SEMA6D: variants seen among roughly 807,000 people sequenced by gnomAD.
SEMA6D encodes semaphorin 6D.
In SEMA6D, 35 loss-of-function variants were observed where a neutral mutation model predicts 106.6. The observed-to-expected ratio is 0.33, with a 90% CI of 0.25 to 0.44. SEMA6D has a LOEUF of 0.44. SEMA6D is among the 20% of genes least tolerant of loss of function. The pLI is 1.00. For synonymous variants in SEMA6D, 499 were observed against 487.7 expected (o/e 1.02, Z -0.31); for missense variants, 1,185 against 1,345.9 (o/e 0.88, Z 1.87).
chr15:47,374,590 G>A (rs2039386384), intron 1 of SEMA6D, among the ~76,000 whole-genome samples: 2 of 152,156 alleles, frequency 1.3e-5, no homozygotes, highest in Admixed American at 1.3e-4. Context: ...GTCAATAGAT[G>A]TTAAGGCTTG....
chr15:47,635,732 A>C (rs2077375738), intron 4 of SEMA6D, among the ~76,000 whole-genome samples: 1 of 152,110 alleles, frequency 6.6e-6, no homozygotes, highest in Admixed American at 6.6e-5. Flanking sequence ...GTTGACTGCC[A>C]GTATTAGGAA....
intron 1 of SEMA6D, among the ~76,000 whole-genome samples, chr15:47,399,103 A>C (rs189479553): frequency 9.5e-4 from 145 of 152,314 alleles, no homozygotes; most frequent in Admixed American, 2.4e-3. Flanking sequence ...TAAAAATATA[A>C]ACTTCTATAT....
intron 4 of SEMA6D, among the ~76,000 whole-genome samples, chr15:47,611,166 C>T (rs1347467677): frequency 6.6e-6 from 1 of 151,786 alleles, no homozygotes; most frequent in Admixed American, 6.6e-5. Flanking sequence ...CACACACACA[C>T]ACACACACAC....
chr15:47,290,748 T>C (rs2035562487), intron 1 of SEMA6D, among the ~76,000 whole-genome samples: 1 of 152,184 alleles, frequency 6.6e-6, no homozygotes, highest in African/African-American at 2.4e-5. Context: ...ATGACCGCAG[T>C]CTCGTGAATG....
chr15:47,194,955 G>A (rs1034964922), intron 1 of SEMA6D, among the ~76,000 whole-genome samples: 3 of 152,140 alleles, frequency 2.0e-5, no homozygotes, highest in Non-Finnish European at 4.4e-5. Context: ...ATTCTATAGG[G>A]ATCAACCGGT....
At chr15:47,610,270 T>A (rs2076869457) in intron 4 of SEMA6D, among the ~76,000 whole-genome samples, 1 of 152,226 alleles carries the variant, frequency 6.6e-6, no homozygotes, top group Non-Finnish European at 1.5e-5. Flanking sequence ...TTATCCCCAC[T>A]GGCTCTCTCT....
chr15:47,294,365 AG>A (rs2035720410), intron 1 of SEMA6D, among the ~76,000 whole-genome samples: 1 of 152,066 alleles, frequency 6.6e-6, no homozygotes, highest in Non-Finnish European at 1.5e-5. Flanking sequence ...CTGGGATTAC[AG>A]GTGCGTGCCA....
chr15:47,469,311 T>C (rs970300917), intron 2 of SEMA6D, among the ~76,000 whole-genome samples: 1 of 150,672 alleles, frequency 6.6e-6, no homozygotes, highest in Non-Finnish European at 1.5e-5. Flanking sequence ...TGTGTGTGTG[T>C]GTGTGTGTGT....
chr15:47,503,623 T>G (rs2043931808), intron 3 of SEMA6D, among the ~76,000 whole-genome samples: 1 of 152,028 alleles, frequency 6.6e-6, no homozygotes, highest in Non-Finnish European at 1.5e-5. Context: ...TAATGTCACT[T>G]TTGGGGGAAA....
chr15:47,637,209 C>T (rs374762070), intron 4 of SEMA6D, among the ~76,000 whole-genome samples: 16 of 152,292 alleles, frequency 1.1e-4, no homozygotes, highest in African/African-American at 3.1e-4. Context: ...TACTGGAACA[C>T]GCTCCAGGAG....
chr15:47,527,153 G>T (rs2044787271), intron 3 of SEMA6D, among the ~76,000 whole-genome samples: 1 of 152,112 alleles, frequency 6.6e-6, no homozygotes, highest in Non-Finnish European at 1.5e-5. Flanking sequence ...AGTCCTGTGG[G>T]TTAACTGCAC....
chr15:47,525,146 T>G (rs1477586380), intron 3 of SEMA6D: 3 of 152,164 alleles, frequency 2.0e-5, no homozygotes, highest in African/African-American at 2.4e-5. Flanking sequence ...TCTCTGTCCT[T>G]CTCCTCTTGT....
intron 4 of SEMA6D, among the ~76,000 whole-genome samples, chr15:47,668,900 C>T (rs1056878257): frequency 3.3e-5 from 5 of 152,148 alleles, no homozygotes; most frequent in South Asian, 2.1e-4. Flanking sequence ...AATAAATTAC[C>T]GCAGTGCAAT....
At chr15:47,410,851 G>T (rs779151939) in intron 1 of SEMA6D, among the ~76,000 whole-genome samples, 3 of 152,108 alleles carry the variant, frequency 2.0e-5, no homozygotes, top group Non-Finnish European at 4.4e-5. Flanking sequence ...CTGACCTAAT[G>T]ATAATACTAC....
At chr15:47,485,798 T>C (rs1393412660) in intron 3 of SEMA6D, among the ~76,000 whole-genome samples, 1 of 152,192 alleles carries the variant, frequency 6.6e-6, no homozygotes, top group East Asian at 1.9e-4. Context: ...CTCTCTACAG[T>C]GCACCCAACT....
At chr15:47,710,473 C>G (rs965387149) in intron 4 of SEMA6D, among the ~76,000 whole-genome samples, 1 of 151,962 alleles carries the variant, frequency 6.6e-6, no homozygotes, top group African/African-American at 2.4e-5. Flanking sequence ...ATAATTATGA[C>G]CCAGAAATTC....
At chr15:47,698,300 A>AG (rs1230381097) in intron 4 of SEMA6D, among the ~76,000 whole-genome samples, 1 of 152,230 alleles carries the variant, frequency 6.6e-6, no homozygotes, top group Non-Finnish European at 1.5e-5. Context: ...AAAAGAGATG[A>AG]GAAAAAAAGG....
Position 47,760,925 on chromosome 15 carries a change from C to T in SEMA6D, c.222-53C>T, listed in dbSNP as rs567986890. ...TCTGTAAAAATAAAAAAGGAAGCAGCTTAACATTTTTATGTATTCACGTGA... is the reference window on the plus strand; with the variant it reads ...TCTGTAAAAATAAAAAAGGAAGCAGTTTAACATTTTTATGTATTCACGTGA... On this transcript the variant is annotated intron_variant, in intron 3 of 18. Transcript: ENST00000536845. 29 of 1,480,924 alleles carry T rather than the reference C, an allele frequency of 2.0e-5. No homozygotes were observed. The African/African-American group carries it at 2.5e-4, about 13-fold the overall frequency. 91.7% of individuals were successfully genotyped at this position (1,480,924 alleles called of 1,614,324 possible).
At chr15:47,391,764 C>G (rs1228057755) in intron 1 of SEMA6D, among the ~76,000 whole-genome samples, 3 of 150,858 alleles carry the variant, frequency 2.0e-5, no homozygotes, top group Admixed American at 2.0e-4. Context: ...CTGAAGTATG[C>G]AAGGGTCATT....
Sources: allele counts gnomAD v4.1 joint callset (sites outside exome capture counted in the v4.1 genomes callset), GRCh38; gene constraint gnomAD v4.1.1; transcripts MANE v1.5; gene names NCBI Gene and HGNC (gene_info 2026-07-23, HGNC 2026-07-21).